CCDC33: variants seen among roughly 807,000 people sequenced by gnomAD.
The protein encoded by CCDC33 is coiled-coil domain containing 33, also known as coiled-coil domain-containing protein 33.
In CCDC33, 94 loss-of-function variants were observed where a neutral mutation model predicts 91.9. The observed-to-expected ratio is 1.02, with a 90% CI of 0.87 to 1.21. The LOEUF is 1.21. Ranked by LOEUF, CCDC33 falls within the 50% of genes most tolerant of loss-of-function variation. CCDC33 has a pLI of 0.00. For synonymous variants in CCDC33, 396 were observed against 374.5 expected, an observed-to-expected ratio of 1.06 and a Z score of -0.66; for missense variants, 940 against 935.5, an observed-to-expected ratio of 1.00 and a Z score of -0.06.
Position 74,247,745 on chromosome 15 carries a change from C to A in CCDC33, c.185+3597C>A, listed in dbSNP as rs142623247. On this transcript the variant is annotated intron_variant, in intron 2 of 18. Coordinates refer to ENST00000398814, the MANE Select transcript of CCDC33 (RefSeq NM_025055.5). ...ACTCTCAGTTTTGGGATGAGTAATT[C>A]TGGGGATTTAATATGCAGCAGGTGA... is the stretch of plus-strand genomic sequence containing the variant. 3.0e-4 allele frequency among the ~76,000 whole-genome samples: 46 copies of A among 152,176 alleles called. No individual in the cohort carries two copies. The East Asian group carries it at 8.1e-3, about 27-fold the overall frequency.
intron 11 of CCDC33, chr15:74,318,459 A>G: frequency 3.7e-4 from 149 of 403,072 alleles, no homozygotes; most frequent in East Asian, 7.8e-4. Context: ...CCCACCCTGG[A>G]ACAAAGGGGA....
intron 2 of CCDC33, among the ~76,000 whole-genome samples, chr15:74,222,137 G>T (rs904608223): frequency 2.0e-5 from 3 of 152,168 alleles, no homozygotes; most frequent in Non-Finnish European, 4.4e-5. Context: ...CACAACAGCT[G>T]TGGGCCTGGG....
rs1226920667 is a variant in CCDC33 at position 74,277,487 on chromosome 15, T to C, written c.760-2476T>C. Among the ~76,000 whole-genome samples the C allele has an allele frequency of 2.0e-5, 3 of 152,352 alleles. 1 individual carries two copies. The South Asian group carries it at 6.2e-4, about 32-fold the overall frequency. ...TCCATGGCTGGGGGTTAATGGCTTT[T>C]CTGAAGATCACAGCTGAGGGTTAAT... On this transcript the variant is annotated intron_variant, in intron 7 of 18. Coordinates refer to ENST00000398814, the MANE Select transcript of CCDC33 (RefSeq NM_025055.5).
At chr15:74,335,450 CT>C in intron 18 of CCDC33, 4 of 520,440 alleles carry the variant, frequency 7.7e-6, no homozygotes, top group East Asian at 3.2e-5. Context: ...CCCTACCCCC[CT>C]GAATCCATAG....
chr15:74,221,949 G>C (rs1041532676), intron 2 of CCDC33, among the ~76,000 whole-genome samples: 2 of 152,164 alleles, frequency 1.3e-5, no homozygotes, highest in Non-Finnish European at 2.9e-5. Context: ...CCCGGGGTAA[G>C]GGGGAGTTCA....
At position 74,262,522 on chromosome 15, in the gene CCDC33, TG is replaced by T. The variant is rs1566978642; in HGVS notation, c.274del (p.Asp92ThrfsTer3). The T allele has an allele frequency of 6.2e-7, 1 of 1,613,860 alleles. No individual in the cohort carries two copies. Among genetic ancestry groups the T allele is most frequent in the Admixed American group, 1.7e-5 (1 of 60,002 alleles). ...CTCAGAGCCCACCAGAGCCCCTATC[TG>T]GGGGGACACGGTGAATGTGGAGATC... ...VTSEPTRAPI[W>X]GDTVNVEIQA... On this transcript the variant is annotated frameshift_variant, in exon 3 of 19. Coordinates refer to ENST00000398814, the MANE Select transcript of CCDC33 (RefSeq NM_025055.5). LOFTEE classifies it high-confidence loss of function.
chr15:74,298,858 G>A (rs917907357), intron 11 of CCDC33, among the ~76,000 whole-genome samples: 12 of 151,872 alleles, frequency 7.9e-5, no homozygotes, highest in African/African-American at 2.2e-4. Flanking sequence ...GATTACAGGC[G>A]GGCGCCACCA....
intron 11 of CCDC33, among the ~76,000 whole-genome samples, chr15:74,310,143 A>G (rs911007917): frequency 6.6e-6 from 1 of 152,034 alleles, no homozygotes; most frequent in Admixed American, 6.6e-5. Flanking sequence ...TGACAGAGTG[A>G]GAACCTGACT....
chr15:74,311,613 A>G, intron 11 of CCDC33: 1 of 152,202 alleles, frequency 6.6e-6, no homozygotes. Context: ...AGGACTTCAC[A>G]GATTCAAGCT....
chr15:74,239,971 G>A (rs1663325855), intron 1 of CCDC33, among the ~76,000 whole-genome samples: 1 of 152,226 alleles, frequency 6.6e-6, no homozygotes, highest in African/African-American at 2.4e-5. Flanking sequence ...GGACATCTCT[G>A]AGGGAAGCCT....
rs184346230 is a variant in CCDC33, at chr15:74,328,552, G to A, written c.1291-1637G>A. ...AGTCTCTCCATTAACAATGCTGTCC[G>A]AGGACACCAGATGGGCAGATCTGGA... On this transcript the variant is annotated intron_variant, in intron 11 of 18. Coordinates refer to ENST00000398814, the MANE Select transcript of CCDC33 (RefSeq NM_025055.5). Among the ~76,000 whole-genome samples, 9 of 152,336 alleles carry A rather than the reference G, an allele frequency of 5.9e-5. 1 individual carries two copies. Among genetic ancestry groups the A allele is most frequent in the East Asian group, 5.8e-4 (3 of 5,182 alleles).
chr15:74,330,511 C>A, intron 12 of CCDC33, 152 bp from the exon 13 acceptor site: 1 of 1,062,858 alleles, frequency 9.4e-7, no homozygotes, highest in Non-Finnish European at 1.4e-6. Flanking sequence ...ACAGTCCCTG[C>A]CCAGCTGGGT....
At chr15:74,245,240 A>G (rs1334424796) in intron 2 of CCDC33, among the ~76,000 whole-genome samples, 1 of 152,234 alleles carries the variant, frequency 6.6e-6, no homozygotes, top group African/African-American at 2.4e-5. Flanking sequence ...TTAGGAGCCA[A>G]GGAGTGACTG....
intron 11 of CCDC33, among the ~76,000 whole-genome samples, chr15:74,296,486 CGTG>C (rs1453029810): frequency 2.0e-5 from 3 of 152,110 alleles, no homozygotes; most frequent in Non-Finnish European, 4.4e-5. Context: ...ATTAGCCAGA[CGTG>C]GTGGTGCATG....
chr15:74,239,014 A>G (rs909526694), intron 1 of CCDC33, among the ~76,000 whole-genome samples: 5 of 152,348 alleles, frequency 3.3e-5, no homozygotes, highest in Admixed American at 2.6e-4. Context: ...TGTTGAAACT[A>G]GAAGGAACAT....
intron 16 of CCDC33, chr15:74,333,332 C>T: frequency 6.4e-7 from 1 of 1,566,744 alleles, no homozygotes; most frequent in Non-Finnish European, 8.7e-7. Context: ...GGTGGGTGGC[C>T]CAGGGCCCAG....
chr15:74,252,161 T>C (rs1938167829), intron 2 of CCDC33, among the ~76,000 whole-genome samples: 1 of 152,194 alleles, frequency 6.6e-6, no homozygotes, highest in African/African-American at 2.4e-5. Flanking sequence ...CATGCCGTGG[T>C]TACCCCTTTT....
chr15:74,290,565 CAGAA>C (rs1293958075), intron 10 of CCDC33, among the ~76,000 whole-genome samples: 1 of 152,178 alleles, frequency 6.6e-6, no homozygotes, highest in Non-Finnish European at 1.5e-5. Flanking sequence ...GCAAGCATCA[CAGAA>C]AGGCATGGTT....
At chr15:74,237,529 G>C (rs1439109977) in intron 1 of CCDC33, among the ~76,000 whole-genome samples, 1 of 152,178 alleles carries the variant, frequency 6.6e-6, no homozygotes, top group Non-Finnish European at 1.5e-5. Flanking sequence ...CAAATAGCTG[G>C]GGGTGCCCAG....
Sources: gnomAD v4.1 joint callset for allele counts (sites outside exome capture counted in the v4.1 genomes callset) on GRCh38, gnomAD v4.1.1 for gene constraint, MANE v1.5 for transcripts, NCBI Gene and HGNC (gene_info 2026-07-23, HGNC 2026-07-21) for gene names.